Variants in MAN1A1 observed in about 807,000 individuals in gnomAD.
MAN1A1 encodes mannosyl-oligosaccharide 1,2-alpha-mannosidase IA.
Under a neutral mutation model 70.8 loss-of-function variants are expected in MAN1A1, and 29 were observed. The observed-to-expected ratio is 0.41, with a 90% CI of 0.31 to 0.56. The LOEUF (loss-of-function observed/expected upper bound fraction) is 0.56, where lower values mean the gene tolerates loss of function less well. Among genes scored for constraint, MAN1A1 ranks in the 20% least tolerant of loss-of-function variants. The pLI, the probability that MAN1A1 is intolerant of heterozygous loss-of-function variation, is 0.29. For synonymous variants in MAN1A1, 349 were observed against 330.1 expected, an observed-to-expected ratio of 1.06 and a Z score of -0.62; for missense variants, 747 against 841.3, an observed-to-expected ratio of 0.89 and a Z score of 1.39.
chr6:119,280,618 A>G (rs1335083131), intron 5 of MAN1A1, among the ~76,000 whole-genome samples: 1 of 152,210 alleles, frequency 6.6e-6, no homozygotes, highest in Non-Finnish European at 1.5e-5. Flanking sequence ...TGCTACAGCT[A>G]TCTTATATAC....
intron 5 of MAN1A1, among the ~76,000 whole-genome samples, chr6:119,262,177 AAC>A (rs1444496931): frequency 4.6e-5 from 7 of 152,226 alleles, no homozygotes; most frequent in Non-Finnish European, 8.8e-5. Context: ...CAAATACAGC[AAC>A]ACACTGTTTA....
intron 11 of MAN1A1, among the ~76,000 whole-genome samples, chr6:119,185,259 G>A (rs1250496821): frequency 6.6e-6 from 1 of 152,126 alleles, no homozygotes; most frequent in African/African-American, 2.4e-5. Context: ...AGACTCACAA[G>A]TGCTTGAACA....
chr6:119,248,425 T>C (rs1417454289), intron 5 of MAN1A1, 71 bp from the exon 6 acceptor site: 12 of 774,054 alleles, frequency 1.6e-5, no homozygotes, highest in Middle Eastern at 2.3e-4. Context: ...TATTATCTAA[T>C]AGTTACCACT....
At chr6:119,298,297 C>G (rs1057331619) in intron 4 of MAN1A1, among the ~76,000 whole-genome samples, 6 of 152,182 alleles carry the variant, frequency 3.9e-5, no homozygotes, top group Admixed American at 3.3e-4. Context: ...ATTATCCCAA[C>G]TTATTTTAAG....
intron 3 of MAN1A1, among the ~76,000 whole-genome samples, chr6:119,302,719 A>G (rs1170940598): frequency 2.0e-5 from 3 of 152,166 alleles, no homozygotes; most frequent in Non-Finnish European, 4.4e-5. Flanking sequence ...TAGGCCTAAA[A>G]CCAAGGAGCA....
intron 8 of MAN1A1, among the ~76,000 whole-genome samples, chr6:119,198,616 T>C (rs1056191162): frequency 4.6e-5 from 7 of 152,208 alleles, no homozygotes; most frequent in African/African-American, 1.4e-4. Flanking sequence ...TGTTAACATA[T>C]ACAATTTTTC....
chr6:119,206,719 C>T (rs1053491488), intron 6 of MAN1A1, among the ~76,000 whole-genome samples: 20 of 152,326 alleles, frequency 1.3e-4, no homozygotes, highest in African/African-American at 4.8e-4. Context: ...ATGGCAAATG[C>T]ACATGGTAAT....
intron 4 of MAN1A1, among the ~76,000 whole-genome samples, chr6:119,296,563 A>G (rs1037703852): frequency 4.6e-5 from 7 of 152,190 alleles, no homozygotes; most frequent in African/African-American, 1.7e-4. Context: ...CTCTGGACCT[A>G]AGCCAGTACT....
intron 2 of MAN1A1, among the ~76,000 whole-genome samples, chr6:119,331,258 G>T (rs1327540413): frequency 6.6e-6 from 1 of 151,966 alleles, no homozygotes; most frequent in Non-Finnish European, 1.5e-5. Context: ...TTGACTCATA[G>T]AATTCTTTTT....
At chr6:119,320,648 A>G (rs1772980933) in intron 2 of MAN1A1, among the ~76,000 whole-genome samples, 1 of 152,062 alleles carries the variant, frequency 6.6e-6, no homozygotes, top group Non-Finnish European at 1.5e-5. Flanking sequence ...AAAAAGAGGT[A>G]TGTGGTCGGG....
In MAN1A1 at chr6:119,307,003, A is replaced by C. The variant is rs754844007; in HGVS notation, c.604-11T>G. On this transcript the variant is annotated splice_polypyrimidine_tract_variant and intron_variant, in intron 2 of 12. Transcript: ENST00000368468. ...AGCATGTTTCATCATCTGAAAAAAA[A>C]AATAAAAACAGGATTATAATTTGAA... 4 of 1,514,950 alleles carry C rather than the reference A, an allele frequency of 2.6e-6. No individual in the cohort carries two copies. In the South Asian group the frequency reaches 4.5e-5, roughly 17 times the overall value. The allele number at this position is 1,514,950 out of a possible 1,614,324, so 93.8% of individuals were successfully genotyped here. A position where few individuals can be genotyped will look rare whatever the true frequency, so the allele number is the denominator to read the frequency against.
At chr6:119,283,637 A>T (rs949442342) in intron 5 of MAN1A1, among the ~76,000 whole-genome samples, 7 of 152,134 alleles carry the variant, frequency 4.6e-5, no homozygotes, top group African/African-American at 1.7e-4. Flanking sequence ...TGGAAGGAGC[A>T]GGGTGAAAGA....
intron 6 of MAN1A1, among the ~76,000 whole-genome samples, chr6:119,205,564 G>A (rs186912058): frequency 3.9e-5 from 6 of 152,188 alleles, no homozygotes; most frequent in East Asian, 1.9e-4. Flanking sequence ...ACTGCTTCAT[G>A]GCCTTTCTTG....
intron 6 of MAN1A1, among the ~76,000 whole-genome samples, chr6:119,217,980 A>G (rs933111983): frequency 5.3e-5 from 8 of 152,220 alleles, no homozygotes; most frequent in African/African-American, 1.7e-4. Context: ...GTTACATTCC[A>G]TAAGTGAAGA....
intron 2 of MAN1A1, among the ~76,000 whole-genome samples, chr6:119,331,685 C>T (rs908298989): frequency 1.3e-5 from 2 of 150,690 alleles, no homozygotes; most frequent in Admixed American, 1.3e-4. Flanking sequence ...GAGGCTTTTC[C>T]AAACAAACTG....
At chr6:119,305,160 A>T (rs1772494185) in intron 3 of MAN1A1, among the ~76,000 whole-genome samples, 1 of 152,120 alleles carries the variant, frequency 6.6e-6, no homozygotes, top group African/African-American at 2.4e-5. Context: ...AGTGTTTTTT[A>T]CCGAAAAAGC....
intron 5 of MAN1A1, among the ~76,000 whole-genome samples, chr6:119,254,293 T>A (rs1775404391): frequency 6.6e-6 from 1 of 152,242 alleles, no homozygotes; most frequent in Non-Finnish European, 1.5e-5. Context: ...GTCCTTGGAC[T>A]GGCTGTACTA....
At position 119,348,869 on chromosome 6, in the gene MAN1A1, G is replaced by A; in HGVS notation, c.197C>T (p.Ser66Phe). 1 of 1,532,104 alleles carries A rather than the reference G, an allele frequency of 6.5e-7. No individual in the cohort carries two copies. The highest frequency in any genetic ancestry group is 2.7e-5 in the East Asian group (1 of 36,522). The allele number at this position is 1,532,104 out of a possible 1,614,324, so 94.9% of individuals were successfully genotyped here. A position where few individuals can be genotyped will look rare whatever the true frequency, so the allele number is the denominator to read the frequency against. Residue 66 changes from serine (S) to phenylalanine (F), a missense_variant, in exon 2 of 13, where the codon TCC (serine) becomes TTC (phenylalanine). Transcript: ENST00000368468. ...FGAIFFLPDSSKLLSGVLFHS... is the reference protein window; with the variant it reads ...FGAIFFLPDSFKLLSGVLFHS... ...GAACAGGACCCCGCTGAGCAGCTTGGAGGAGTCTGGCAGGAAGAAGATCGC... is the reference window on the plus strand; with the variant it reads ...GAACAGGACCCCGCTGAGCAGCTTGAAGGAGTCTGGCAGGAAGAAGATCGC...
intron 7 of MAN1A1, among the ~76,000 whole-genome samples, chr6:119,201,553 G>C: frequency 6.6e-6 from 1 of 152,268 alleles, no homozygotes; most frequent in East Asian, 1.9e-4. Flanking sequence ...TGCCATACTA[G>C]GAACAAGGGG....
Sources: gnomAD v4.1 joint callset for allele counts (sites outside exome capture counted in the v4.1 genomes callset) on GRCh38, gnomAD v4.1.1 for gene constraint, MANE v1.5 for transcripts, NCBI Gene and HGNC (gene_info 2026-07-23, HGNC 2026-07-21) for gene names.